The following BEND7 variants were observed in gnomAD, a reference collection of about 807,000 sequenced individuals.
BEND7 encodes the protein BEN domain containing 7, also known as BEN domain-containing protein 7.
BEND7 carries 28 observed loss-of-function variants against 50.9 expected under a neutral mutation model. The observed-to-expected ratio is 0.55, with a 90% CI of 0.41 to 0.75. The LOEUF is 0.75. BEND7 is among the 30% of genes least tolerant of loss of function. BEND7 has a pLI of 0.00. For synonymous variants in BEND7, 170 were observed against 183.9 expected (o/e 0.92, Z 0.61); for missense variants, 477 against 491.3 (o/e 0.97, Z 0.28).
chr10:13,469,808 G>A (rs1381931960), intron 6 of BEND7, among the ~76,000 whole-genome samples: 1 of 152,094 alleles, frequency 6.6e-6, no homozygotes, highest in African/African-American at 2.4e-5. Context: ...TTTTCTTATT[G>A]GAAGCTTGCA....
At chr10:13,455,006 T>C (rs902991909) in intron 6 of BEND7, among the ~76,000 whole-genome samples, 5 of 152,066 alleles carry the variant, frequency 3.3e-5, no homozygotes, top group African/African-American at 1.2e-4. Context: ...ACCCCATCTC[T>C]ACTAAAAATA....
intron 8 of BEND7, chr10:13,446,953 T>C: frequency 2.8e-6 from 1 of 362,050 alleles, no homozygotes. Context: ...AGGTGAAATC[T>C]CATTTCACGT....
intron 8 of BEND7, chr10:13,443,710 A>G (rs1403318528): frequency 6.6e-6 from 1 of 152,266 alleles, no homozygotes; most frequent in East Asian, 1.9e-4. Context: ...TTTACCTGCA[A>G]AACAGAATAT....
At chr10:13,458,616 T>C (rs12252553) in intron 6 of BEND7, among the ~76,000 whole-genome samples, 6,747 of 152,280 alleles carry the variant, frequency 0.044, 426 homozygotes, top group African/African-American at 0.14. Flanking sequence ...GTTTACATCA[T>C]GCATGGAAAT....
At chr10:13,516,726 A>G (rs2078703305) in intron 2 of BEND7, among the ~76,000 whole-genome samples, 1 of 152,156 alleles carries the variant, frequency 6.6e-6, no homozygotes. Flanking sequence ...CTCTAACTCA[A>G]AGGAAAAAAA....
intron 6 of BEND7, among the ~76,000 whole-genome samples, chr10:13,453,540 A>T (rs1838266450): frequency 6.6e-6 from 1 of 152,258 alleles, no homozygotes; most frequent in Non-Finnish European, 1.5e-5. Flanking sequence ...TGAATGAAAA[A>T]TAAGACATTT....
intron 6 of BEND7, among the ~76,000 whole-genome samples, chr10:13,474,152 C>T (rs1043453262): frequency 2.0e-5 from 3 of 151,492 alleles, no homozygotes; most frequent in Non-Finnish European, 4.4e-5. Context: ...AGACTTGTGG[C>T]CAACATCTGT....
intron 8 of BEND7, chr10:13,446,702 TAACAC>T (rs3831319): frequency 0.083 from 13,151 of 158,652 alleles, 579 homozygotes; most frequent in South Asian, 0.13. Flanking sequence ...GTCTATGGCT[TAACAC>T]AACAGCGTGC....
chr10:13,524,851 T>C (rs184233621), intron 2 of BEND7, among the ~76,000 whole-genome samples: 3 of 152,246 alleles, frequency 2.0e-5, no homozygotes, highest in Admixed American at 1.3e-4. Context: ...ATCTATGTGC[T>C]ATCAATGATC....
chr10:13,479,298 C>T (rs1342076039), intron 6 of BEND7, among the ~76,000 whole-genome samples: 1 of 152,018 alleles, frequency 6.6e-6, no homozygotes, highest in Non-Finnish European at 1.5e-5. Flanking sequence ...TTTGAGCCAC[C>T]GCGCCTGGCC....
rs1055885316 is a variant in BEND7 at position 13,449,320 on chromosome 10, TAAC to T, written c.1184-2007_1184-2005del. Among the ~76,000 whole-genome samples, 51 of 152,272 alleles carry T rather than the reference TAAC, an allele frequency of 3.3e-4. 1 individual carries two copies. The highest frequency in any genetic ancestry group is 1.1e-3 in the African/African-American group (45 of 41,538). On this transcript the variant is annotated intron_variant, in intron 7 of 8. Coordinates refer to ENST00000466271, the MANE Select transcript of BEND7 (RefSeq NM_001369863.1). ...GATTTTAAAAATCCTTCAATAATAA[TAAC>T]AATGATAATCACCATGTATTAAATG...
chr10:13,480,815 G>A (rs2075803254), intron 6 of BEND7, 84 bp downstream of exon 6: 13 of 1,580,360 alleles, frequency 8.2e-6, no homozygotes, highest in Non-Finnish European at 9.5e-6. Flanking sequence ...CCACTAGTCA[G>A]TTTACTACAA....
At position 13,447,567 on chromosome 10, in the gene BEND7, G is replaced by A. The variant is rs375255720; in HGVS notation, c.1184-251C>T. Among the ~76,000 whole-genome samples the A allele has an allele frequency of 9.2e-3, 1,183 of 129,068 alleles. 16 individuals carry two copies. The highest frequency in any genetic ancestry group is 0.032 in the African/African-American group (1,119 of 34,704). 84.7% of individuals were successfully genotyped at this position (129,068 alleles called of 152,430 possible). A position where few individuals can be genotyped will look rare whatever the true frequency, so the allele number is the denominator to read the frequency against. ...TTTTTTTTTTTTTTTTTTTTGAGAC[G>A]GAGTCTCGCTCTGTCGCCCAGGCTG... is the stretch of plus-strand genomic sequence containing the variant. On this transcript the variant is annotated intron_variant, in intron 7 of 8. Transcript: ENST00000466271.
chr10:13,487,239 G>T (rs527650726), intron 5 of BEND7, among the ~76,000 whole-genome samples: 1 of 152,178 alleles, frequency 6.6e-6, no homozygotes, highest in African/African-American at 2.4e-5. Context: ...CCAGTTTGCA[G>T]TTGCAAAAAC....
At chr10:13,493,001 C>T in intron 4 of BEND7, 125 bp from the exon 5 acceptor site, 1 of 1,139,784 alleles carries the variant, frequency 8.8e-7, no homozygotes, top group South Asian at 1.6e-5. Flanking sequence ...ATGAAGCACA[C>T]TAAATAAATC....
intron 2 of BEND7, among the ~76,000 whole-genome samples, chr10:13,505,835 A>G (rs1193917987): frequency 6.6e-6 from 1 of 152,140 alleles, no homozygotes; most frequent in East Asian, 1.9e-4. Flanking sequence ...TGCCCTACAA[A>G]TGTACCAGTG....
downstream of BEND7, chr10:13,439,263 G>A (rs1437593703): frequency 6.2e-7 from 1 of 1,614,096 alleles, no homozygotes; most frequent in East Asian, 2.2e-5. Flanking sequence ...ATGAAGTGTA[G>A]CTGAGACCTG....
At chr10:13,497,043 A>G (rs1399683323) in intron 3 of BEND7, 155 bp from the exon 4 acceptor site, 2 of 871,036 alleles carry the variant, frequency 2.3e-6, no homozygotes, top group African/African-American at 3.4e-5. Context: ...GTACCCACTA[A>G]TTATCACAAC....
At chr10:13,439,591 G>C, downstream of BEND7, 1 of 1,250,736 alleles carries the variant, frequency 8.0e-7, no homozygotes. Flanking sequence ...ATCTTAGTGA[G>C]TGCAAGTGAC....
Sources: gnomAD v4.1 joint callset for allele counts (sites outside exome capture counted in the v4.1 genomes callset) on GRCh38, gnomAD v4.1.1 for gene constraint, MANE v1.5 for transcripts, NCBI Gene and HGNC (gene_info 2026-07-23, HGNC 2026-07-21) for gene names.